MTFR1: variants seen among roughly 807,000 people sequenced by gnomAD.
MTFR1 encodes mitochondrial fission regulator 1, also known as chondrocyte protein with a poly-proline region.
In MTFR1, 28 loss-of-function variants were observed where a neutral mutation model predicts 38.8. The observed-to-expected ratio is 0.72, with a 90% CI of 0.53 to 0.99. The LOEUF (loss-of-function observed/expected upper bound fraction) is 0.99, where lower values mean the gene tolerates loss of function less well. Among genes scored for constraint, MTFR1 ranks in the 50% least tolerant of loss-of-function variants. The pLI, the probability that MTFR1 is intolerant of heterozygous loss-of-function variation, is 0.00. For missense variants in MTFR1, 358 were observed against 395.5 expected, an observed-to-expected ratio of 0.91 and a Z score of 0.81; for synonymous variants, 145 against 137.0, an observed-to-expected ratio of 1.06 and a Z score of -0.41.
intron 3 of MTFR1, chr8:65,727,266 C>T (rs1585830524): frequency 6.2e-7 from 1 of 1,613,566 alleles, no homozygotes; most frequent in African/African-American, 1.3e-5. Context: ...CAATTAAGCT[C>T]AGCAAGATAT....
At chr8:65,734,980 T>C in intron 3 of MTFR1, 1 of 814,730 alleles carries the variant, frequency 1.2e-6, no homozygotes, top group Non-Finnish European at 2.1e-6. Context: ...AGTTACCCAC[T>C]CATACTTTTC....
intron 3 of MTFR1, among the ~76,000 whole-genome samples, chr8:65,731,790 T>C (rs977359933): frequency 3.9e-5 from 6 of 152,146 alleles, no homozygotes; most frequent in Admixed American, 6.5e-5. Context: ...AATTATAAGG[T>C]ATAAAAACTG....
At chr8:65,765,033 C>T (rs1232703500) in intron 3 of MTFR1, among the ~76,000 whole-genome samples, 2 of 152,136 alleles carry the variant, frequency 1.3e-5, no homozygotes, top group Non-Finnish European at 2.9e-5. Context: ...TATACTCAGT[C>T]TCTACTATGA....
intron 2 of MTFR1, among the ~76,000 whole-genome samples, chr8:65,672,733 T>C (rs1402286512): frequency 6.6e-6 from 1 of 152,148 alleles, no homozygotes; most frequent in African/African-American, 2.4e-5. Flanking sequence ...TTGATGCTTC[T>C]TCATCTTGCA....
intron 3 of MTFR1, among the ~76,000 whole-genome samples, chr8:65,746,148 G>A (rs768906231): frequency 5.5e-4 from 82 of 149,952 alleles, no homozygotes; most frequent in Admixed American, 4.0e-4. Context: ...GCCCAGGGCT[G>A]GTTTCAAACT....
chr8:65,708,235 G>A (rs1002482800), intron 7 of MTFR1: 1 of 924,276 alleles, frequency 1.1e-6, no homozygotes, highest in Non-Finnish European at 1.6e-6. Flanking sequence ...AATAATAGTT[G>A]TTCATTTGGA....
intron 3 of MTFR1, chr8:65,725,073 T>A: frequency 2.2e-6 from 1 of 460,000 alleles, no homozygotes; most frequent in South Asian, 7.0e-5. Context: ...AAAAATGAGT[T>A]TTATAGAATG....
chr8:65,766,070 C>T (rs1052190187), intron 3 of MTFR1, among the ~76,000 whole-genome samples: 9 of 152,142 alleles, frequency 5.9e-5, no homozygotes, highest in African/African-American at 9.7e-5. Flanking sequence ...CTCAGCCTCC[C>T]GAGCAGCTGG....
intron 2 of MTFR1, among the ~76,000 whole-genome samples, chr8:65,716,673 C>G (rs932468311): frequency 6.6e-6 from 1 of 152,156 alleles, no homozygotes; most frequent in Non-Finnish European, 1.5e-5. Flanking sequence ...ACATTTCTCA[C>G]TGTAAATTAA....
rs1563460777 is a variant in MTFR1 at position 65,710,527 on chromosome 8, A to AAAAT, written c.*1487_*1490dup. Reference sequence around the variant, plus strand: ...CCCCATATAAGGAAGTTACTGTTTTAAAATAAAGCAAACTAACTGTTTTAT... The same window carrying AAAAT: ...CCCCATATAAGGAAGTTACTGTTTTAAAATAAATAAAGCAAACTAACTGTTTTAT... On this transcript the variant is annotated 3_prime_UTR_variant, in exon 8 of 8. Transcript: ENST00000262146. The AAAAT allele has an allele frequency of 6.6e-6, 1 of 152,622 alleles. No homozygotes were observed. The highest frequency in any genetic ancestry group is 2.4e-5 in the African/African-American group (1 of 41,466). 9.5% of individuals were successfully genotyped at this position (152,622 alleles called of 1,614,324 possible).
chr8:65,659,239 G>A (rs1173587976), intron 1 of MTFR1, among the ~76,000 whole-genome samples: 1 of 151,594 alleles, frequency 6.6e-6, no homozygotes, highest in African/African-American at 2.4e-5. Context: ...CTACTATTTT[G>A]ATCTTTTTTT....
At chr8:65,732,855 ACT>A (rs1448074641) in intron 3 of MTFR1, among the ~76,000 whole-genome samples, 2 of 151,650 alleles carry the variant, frequency 1.3e-5, no homozygotes, top group Non-Finnish European at 2.9e-5. Context: ...ACTTTGAGTG[ACT>A]CTGTTTTTTT....
Position 65,704,847 on chromosome 8 carries a change from C to A in MTFR1, c.435C>A (p.Cys145Ter), listed in dbSNP as rs149744161. 1 of 1,613,776 alleles carries A rather than the reference C, an allele frequency of 6.2e-7. No homozygotes were observed. ...LANEEALQKI[C>*]ALENELAALR... is the part of the protein sequence containing the mutation. ...ATGAGGAAGCACTGCAGAAGATTTG[C>A]GCTCTCGAAAATGAACTTGCTGCTC... Residue 145 changes from cysteine to a stop codon, truncating the protein, a stop_gained, in exon 5 of 8, where the codon TGC (cysteine) becomes TGA (stop). Transcript: ENST00000262146. LOFTEE classifies it high-confidence loss of function.
At chr8:65,703,284 G>C (rs1189057677) in intron 4 of MTFR1, among the ~76,000 whole-genome samples, 1 of 151,974 alleles carries the variant, frequency 6.6e-6, no homozygotes, top group East Asian at 1.9e-4. Context: ...TACTCAGGAA[G>C]CTGAGGCAGG....
intron 1 of MTFR1, among the ~76,000 whole-genome samples, chr8:65,661,747 T>G (rs998832618): frequency 3.9e-5 from 6 of 152,080 alleles, no homozygotes; most frequent in Non-Finnish European, 8.8e-5. Context: ...GAGGATCACT[T>G]GAGGTCAGGA....
chr8:65,753,506 T>TCCCCACCCTCACCCAC, intron 3 of MTFR1, among the ~76,000 whole-genome samples: 1 of 152,190 alleles, frequency 6.6e-6, no homozygotes, highest in East Asian at 1.9e-4. Flanking sequence ...CAGGGTGAGC[T>TCCCCACCCTCACCCAC]CCCCACCCTC....
chr8:65,740,397 A>G (rs1486803034), intron 3 of MTFR1, among the ~76,000 whole-genome samples: 2 of 151,776 alleles, frequency 1.3e-5, no homozygotes, highest in Non-Finnish European at 2.9e-5. Flanking sequence ...CAAGCCCTCA[A>G]GTTTCCTTTT....
At chr8:65,670,263 T>A (rs1362093470) in intron 2 of MTFR1, among the ~76,000 whole-genome samples, 2 of 152,132 alleles carry the variant, frequency 1.3e-5, no homozygotes, top group Non-Finnish European at 2.9e-5. Context: ...AGCAATATAT[T>A]TGTTATTAGT....
downstream of MTFR1, chr8:65,714,870 T>C (rs1193776999): frequency 6.6e-6 from 1 of 152,152 alleles, no homozygotes; most frequent in African/African-American, 2.4e-5. Context: ...GGTACAAATA[T>C]ATTTGTTTGC....
Sources: gnomAD v4.1 joint callset for allele counts (sites outside exome capture counted in the v4.1 genomes callset) on GRCh38, gnomAD v4.1.1 for gene constraint, MANE v1.5 for transcripts, NCBI Gene and HGNC (gene_info 2026-07-23, HGNC 2026-07-21) for gene names.